TMPRSS2: variants seen among roughly 807,000 people sequenced by gnomAD.
TMPRSS2 encodes the protein transmembrane protease serine 2.
Under a neutral mutation model 67.4 loss-of-function variants are expected in TMPRSS2, and 59 were observed. The observed-to-expected ratio is 0.88, with a 90% confidence interval of 0.71 to 1.09. The LOEUF (loss-of-function observed/expected upper bound fraction) is 1.09, where lower values mean the gene tolerates loss of function less well. Among genes scored for constraint, TMPRSS2 ranks in the 50% least tolerant of loss-of-function variants. TMPRSS2 has a pLI of 0.00. For missense variants in TMPRSS2, 668 were observed against 642.7 expected, an observed-to-expected ratio of 1.04 and a Z score of -0.43; for synonymous variants, 257 against 257.0, an observed-to-expected ratio of 1.00 and a Z score of 0.00.
intron 2 of TMPRSS2, among the ~76,000 whole-genome samples, chr21:41,495,626 C>T (rs535103772): frequency 1.6e-5 from 2 of 128,340 alleles, no homozygotes; most frequent in Admixed American, 7.9e-5. Context: ...ACTCCCGTCT[C>T]AAAAAAAAAA....
rs567175997 is a variant in TMPRSS2, at chr21:41,465,128, A to G, written c.*1014T>C. 4.3e-6 allele frequency: 1 copy of G among 233,788 alleles called. No homozygotes were observed. Among genetic ancestry groups the G allele is most frequent in the East Asian group, 6.0e-5 (1 of 16,592 alleles). 14.5% of individuals were successfully genotyped at this position (233,788 alleles called of 1,614,324 possible). A position where few individuals can be genotyped will look rare whatever the true frequency, so the allele number is the denominator to read the frequency against. ...TTTGTCAAAGCAGCTGAAATAGGCC[A>G]CCACTCTTACTTGGCAAAGATGATA... On this transcript the variant is annotated 3_prime_UTR_variant, in exon 14 of 14. Coordinates refer to ENST00000332149, the MANE Select transcript of TMPRSS2 (RefSeq NM_005656.4).
In TMPRSS2 at chr21:41,468,446, G is replaced by C. The variant is rs2091102819; in HGVS notation, c.1264C>G (p.Pro422Ala). 1.1e-5 allele frequency: 17 copies of C among 1,614,240 alleles called. No homozygotes were observed. Among genetic ancestry groups the C allele is most frequent in the Non-Finnish European group, 1.4e-5 (17 of 1,180,046 alleles). The change falls in exon 12 of 14, where the codon CCA (proline) becomes GCA (alanine). Residue 422 changes from proline to alanine, a missense_variant. By Grantham distance (27) the Pro-to-Ala change is conservative. Coordinates refer to ENST00000332149, the MANE Select transcript of TMPRSS2 (RefSeq NM_005656.4). ...SRYVYDNLIT[P>A]AMICAGFLQG... ...AGGAAGCCGGCACAGATCATGGCTG[G>C]TGTGATCAGGTTGTCATAGACATAT...
At chr21:41,499,040 A>AG (rs2091405616) in intron 1 of TMPRSS2, among the ~76,000 whole-genome samples, 1 of 152,064 alleles carries the variant, frequency 6.6e-6, no homozygotes. Flanking sequence ...CACCAAATAC[A>AG]GCTCACAGTT....
intron 3 of TMPRSS2, among the ~76,000 whole-genome samples, chr21:41,493,854 A>T (rs2091357100): frequency 1.3e-5 from 2 of 152,238 alleles, no homozygotes; most frequent in Admixed American, 1.3e-4. Context: ...CAGGACCCTG[A>T]AGCCCAATGA....
At chr21:41,487,155 T>TGAA (rs2091304933) in intron 5 of TMPRSS2, 1 of 152,268 alleles carries the variant, frequency 6.6e-6, no homozygotes, top group South Asian at 2.1e-4. Flanking sequence ...CATCAGTGAA[T>TGAA]GAAGGGATAA....
At chr21:41,472,704 G>T (rs192011400) in intron 9 of TMPRSS2, among the ~76,000 whole-genome samples, 1 of 152,312 alleles carries the variant, frequency 6.6e-6, no homozygotes, top group African/African-American at 2.4e-5. Context: ...AGCAAGAGAG[G>T]GCTGGGCCAA....
chr21:41,494,226 C>A (rs2091360122), intron 3 of TMPRSS2, 130 bp downstream of exon 3: 3 of 989,958 alleles, frequency 3.0e-6, no homozygotes, highest in Non-Finnish European at 4.5e-6. Context: ...CAGGCTGGCT[C>A]CGGAAGACGG....
In TMPRSS2 at chr21:41,465,095, C is replaced by G. The variant is rs1297695338; in HGVS notation, c.*1047G>C. ...CATTTATAGAACGTTAAGTCAGGAG[C>G]CAGTCATTTTGTCAAAGCAGCTGAA... On this transcript the variant is annotated 3_prime_UTR_variant, in exon 14 of 14. Transcript: ENST00000332149. 2 of 233,496 alleles carry G rather than the reference C, an allele frequency of 8.6e-6. No individual in the cohort carries two copies. The highest frequency in any genetic ancestry group is 1.7e-5 in the Non-Finnish European group (2 of 118,072). The allele number at this position is 233,496 out of a possible 1,614,324, so 14.5% of individuals were successfully genotyped here. A position where few individuals can be genotyped will look rare whatever the true frequency, so the allele number is the denominator to read the frequency against.
intron 11 of TMPRSS2, chr21:41,468,762 C>T: frequency 2.0e-6 from 1 of 501,078 alleles, no homozygotes; most frequent in Non-Finnish European, 3.6e-6. Context: ...TGGAGTTCAG[C>T]TTCAGGGAAA....
chr21:41,492,735 C>T (rs569026066), intron 3 of TMPRSS2, among the ~76,000 whole-genome samples: 6 of 152,338 alleles, frequency 3.9e-5, no homozygotes, highest in African/African-American at 1.4e-4. Flanking sequence ...CCAACTCTGT[C>T]ATCATCTAGT....
In TMPRSS2 at chr21:41,477,690, G is replaced by C. The variant is rs1024998014; in HGVS notation, c.684-1070C>G. Reference sequence around the variant, plus strand: ...GACTCTGGCTCTGGGGCACTGACACGGCCAAGTGAAGACATGTCCCCTTTA... The same window carrying C: ...GACTCTGGCTCTGGGGCACTGACACCGCCAAGTGAAGACATGTCCCCTTTA... On this transcript the variant is annotated intron_variant, in intron 7 of 13. Coordinates refer to ENST00000332149, the MANE Select transcript of TMPRSS2 (RefSeq NM_005656.4). 6.3e-4 allele frequency among the ~76,000 whole-genome samples: 95 copies of C among 151,990 alleles called. 1 individual carries two copies. The highest frequency in any genetic ancestry group is 2.3e-3 in the African/African-American group (94 of 41,370).
At chr21:41,486,144 CTG>C (rs2091296459) in intron 5 of TMPRSS2, among the ~76,000 whole-genome samples, 1 of 152,234 alleles carries the variant, frequency 6.6e-6, no homozygotes, top group Non-Finnish European at 1.5e-5. Context: ...GGTAAGTCCT[CTG>C]ACTCTACAAT....
chr21:41,482,481 A>G (rs1422325895), intron 5 of TMPRSS2, among the ~76,000 whole-genome samples: 1 of 152,258 alleles, frequency 6.6e-6, no homozygotes, highest in Non-Finnish European at 1.5e-5. Flanking sequence ...CATGGAAACA[A>G]TGCTGTGTGG....
At chr21:41,507,712 G>A (rs1315222044) in intron 1 of TMPRSS2, among the ~76,000 whole-genome samples, 1 of 152,232 alleles carries the variant, frequency 6.6e-6, no homozygotes, top group Non-Finnish European at 1.5e-5. Context: ...GCTCCCAGGC[G>A]GGGGCCGTGG....
intron 3 of TMPRSS2, among the ~76,000 whole-genome samples, chr21:41,492,971 C>G (rs898520173): frequency 6.6e-6 from 1 of 152,248 alleles, no homozygotes; most frequent in African/African-American, 2.4e-5. Context: ...GAGTTCCCAA[C>G]CTCCACACTA....
chr21:41,507,237 A>G (rs1190177191), intron 1 of TMPRSS2, among the ~76,000 whole-genome samples: 3 of 152,152 alleles, frequency 2.0e-5, no homozygotes, highest in African/African-American at 7.2e-5. Context: ...TTGACCACTC[A>G]GGGTGCCACT....
rs1043884774 is a variant in TMPRSS2, at chr21:41,481,627, A to G, written c.446-1025T>C. On this transcript the variant is annotated intron_variant, in intron 5 of 13. Transcript: ENST00000332149. ...TATATTTAAATTTTATGGTACATAC[A>G]TTACATATCAATAAGCTGTTTTATA... is the stretch of plus-strand genomic sequence containing the variant. Among the ~76,000 whole-genome samples, 4 of 152,332 alleles carry G rather than the reference A, an allele frequency of 2.6e-5. No individual in the cohort carries two copies. In the South Asian group the frequency reaches 8.3e-4, roughly 32 times the overall value.
At chr21:41,494,691 T>A (rs958270937) in intron 2 of TMPRSS2, 113 bp from the exon 3 acceptor site, 2 of 1,019,196 alleles carry the variant, frequency 2.0e-6, no homozygotes, top group South Asian at 2.7e-5. Flanking sequence ...AAATTGATAA[T>A]GTTTTTATTT....
chr21:41,494,617 T>G, intron 2 of TMPRSS2, 39 bp from the exon 3 acceptor site: 2 of 1,573,154 alleles, frequency 1.3e-6, no homozygotes, highest in Non-Finnish European at 1.7e-6. Flanking sequence ...ATAAAACTCT[T>G]ATTTGCACTA....
Sources: allele counts gnomAD v4.1 joint callset (sites outside exome capture counted in the v4.1 genomes callset), GRCh38; gene constraint gnomAD v4.1.1; transcripts MANE v1.5; gene names NCBI Gene and HGNC (gene_info 2026-07-23, HGNC 2026-07-21).